The following COL28A1 variants were observed in gnomAD, a reference collection of about 807,000 sequenced individuals.
The protein encoded by COL28A1 is collagen type XXVIII alpha 1 chain.
In COL28A1, 161 loss-of-function variants were observed where a neutral mutation model predicts 150.2. The observed-to-expected ratio is 1.07, with a 90% CI of 0.94 to 1.22. The LOEUF (loss-of-function observed/expected upper bound fraction) is 1.22. COL28A1 is among the 50% of genes most tolerant of loss of function. The pLI is 0.00. For synonymous variants in COL28A1, 552 were observed against 469.7 expected, an observed-to-expected ratio of 1.18 and a Z score of -2.26; for missense variants, 1,617 against 1,388.3, an observed-to-expected ratio of 1.16 and a Z score of -2.62.
At chr7:7,445,379 G>A (rs2128324122) in intron 18 of COL28A1, among the ~76,000 whole-genome samples, 1 of 152,230 alleles carries the variant, frequency 6.6e-6, no homozygotes, top group South Asian at 2.1e-4. Flanking sequence ...GATGAGACCA[G>A]GAAGCAATCT....
chr7:7,417,746 G>C (rs1394915569), intron 27 of COL28A1, 113 bp downstream of exon 27: 1 of 853,724 alleles, frequency 1.2e-6, no homozygotes, highest in Non-Finnish European at 1.9e-6. Context: ...ATTTAACTGC[G>C]AGGCTCACAA....
chr7:7,366,814 G>A (rs1018438263), intron 33 of COL28A1, among the ~76,000 whole-genome samples: 3 of 152,200 alleles, frequency 2.0e-5, no homozygotes, highest in African/African-American at 7.2e-5. Flanking sequence ...GTATTGCCTA[G>A]GGTAGGCTCA....
chr7:7,523,314 C>T (rs920462613), intron 4 of COL28A1, among the ~76,000 whole-genome samples: 3 of 151,900 alleles, frequency 2.0e-5, no homozygotes, highest in Non-Finnish European at 4.4e-5. Flanking sequence ...TGCACCATCA[C>T]CCCCAGCTAA....
At chr7:7,501,217 G>T (rs1780504505) in intron 11 of COL28A1, among the ~76,000 whole-genome samples, 1 of 152,210 alleles carries the variant, frequency 6.6e-6, no homozygotes, top group South Asian at 2.1e-4. Context: ...GGAATATTAT[G>T]AACGTCCTAG....
chr7:7,404,114 A>C (rs1583300398), intron 27 of COL28A1, among the ~76,000 whole-genome samples: 2 of 152,028 alleles, frequency 1.3e-5, no homozygotes. Context: ...GATTTAGTAA[A>C]CTTACGCTCA....
intron 13 of COL28A1, among the ~76,000 whole-genome samples, chr7:7,483,795 G>A (rs1048304953): frequency 4.0e-5 from 6 of 151,890 alleles, no homozygotes; most frequent in Non-Finnish European, 8.8e-5. Flanking sequence ...ATGGTCTTAT[G>A]GAAATAATGG....
intron 27 of COL28A1, among the ~76,000 whole-genome samples, chr7:7,408,281 G>C (rs1783599454): frequency 6.6e-6 from 1 of 152,064 alleles, no homozygotes; most frequent in South Asian, 2.1e-4. Context: ...CTGCCAATTT[G>C]AGCCACAAAT....
upstream of COL28A1, among the ~76,000 whole-genome samples, chr7:7,536,560 T>C (rs751081718): frequency 2.5e-4 from 38 of 152,248 alleles, no homozygotes; most frequent in Non-Finnish European, 4.7e-4. Context: ...TTTTCTACCT[T>C]GTGGTTATGG....
At position 7,486,182 on chromosome 7, in the gene COL28A1, C is replaced by T. The variant is rs143517316; in HGVS notation, c.1164+3207G>A. ...ATATGTGTCTTATTAGATTTCTACC[C>T]AAGTATTTTCTTTTTTAGCAATTAA... On this transcript the variant is annotated intron_variant, in intron 13 of 34. Transcript: ENST00000399429. Among the ~76,000 whole-genome samples the T allele has an allele frequency of 7.0e-4, 106 of 152,146 alleles. 3 individuals carry two copies. Among genetic ancestry groups the T allele is most frequent in the East Asian group, 5.2e-3 (27 of 5,184 alleles).
chr7:7,363,380 T>A (rs1482621701), intron 33 of COL28A1, among the ~76,000 whole-genome samples: 1 of 152,158 alleles, frequency 6.6e-6, no homozygotes, highest in Non-Finnish European at 1.5e-5. Flanking sequence ...TCTGTTAACA[T>A]TACTCCACAG....
intron 13 of COL28A1, among the ~76,000 whole-genome samples, chr7:7,480,380 C>T (rs1329861354): frequency 2.0e-5 from 3 of 152,044 alleles, no homozygotes; most frequent in African/African-American, 7.2e-5. Context: ...CTTCCAAGAC[C>T]TTAATGAAAG....
intron 15 of COL28A1, 146 bp from the exon 16 acceptor site, chr7:7,456,258 T>C: frequency 8.3e-7 from 1 of 1,205,630 alleles, no homozygotes; most frequent in Non-Finnish European, 1.1e-6. Context: ...CTTTATTTTA[T>C]TCCTTTAAAA....
Position 7,360,379 on chromosome 7 carries a change from G to A in COL28A1, c.3205+11C>T, listed in dbSNP as rs369444098. 18 of 1,537,718 alleles carry A rather than the reference G, an allele frequency of 1.2e-5. No homozygotes were observed. The highest frequency in any genetic ancestry group is 1.4e-5 in the Non-Finnish European group (16 of 1,150,072). ...GAATCAAAATGGGACTTGGAGTTCTGGTTTACCTACCCTCTGCCCCATCCA... is the reference window on the plus strand; with the variant it reads ...GAATCAAAATGGGACTTGGAGTTCTAGTTTACCTACCCTCTGCCCCATCCA... On this transcript the variant is annotated intron_variant, in intron 34 of 34. Transcript: ENST00000399429.
intron 11 of COL28A1, among the ~76,000 whole-genome samples, chr7:7,502,614 A>G (rs568502799): frequency 2.0e-5 from 3 of 152,090 alleles, no homozygotes; most frequent in Non-Finnish European, 4.4e-5. Flanking sequence ...TTTCTATTTT[A>G]AGGTCTTATA....
intron 1 of COL28A1, among the ~76,000 whole-genome samples, chr7:7,535,352 T>C (rs1322970975): frequency 6.6e-6 from 1 of 152,174 alleles, no homozygotes; most frequent in African/African-American, 2.4e-5. Flanking sequence ...TTACAATGTT[T>C]GCATCTCAGT....
At chr7:7,508,107 CT>C (rs1369785995) in intron 9 of COL28A1, among the ~76,000 whole-genome samples, 3 of 152,082 alleles carry the variant, frequency 2.0e-5, no homozygotes, top group African/African-American at 7.2e-5. Context: ...TGGCGGGCAC[CT>C]GTAGTCCCAG....
intron 20 of COL28A1, among the ~76,000 whole-genome samples, 171 bp from the exon 21 acceptor site, chr7:7,441,032 T>C (rs985308516): frequency 2.0e-5 from 3 of 152,248 alleles, no homozygotes; most frequent in African/African-American, 7.2e-5. Flanking sequence ...GGAGATCAGA[T>C]GACTTCAGAT....
chr7:7,536,713 C>T (rs114860608), upstream of COL28A1, among the ~76,000 whole-genome samples: 294 of 152,246 alleles, frequency 1.9e-3, no homozygotes, highest in African/African-American at 6.7e-3. Context: ...TACAAATGTG[C>T]ATGTTACGGT....
At chr7:7,361,295 AC>A (rs1183913728) in intron 33 of COL28A1, among the ~76,000 whole-genome samples, 1 of 57,886 alleles carries the variant, frequency 1.7e-5, no homozygotes, top group Non-Finnish European at 3.9e-5. Context: ...AAGGCATTTT[AC>A]TTTTTTTTTA....
Sources: gnomAD v4.1 joint callset for allele counts (sites outside exome capture counted in the v4.1 genomes callset) on GRCh38, gnomAD v4.1.1 for gene constraint, MANE v1.5 for transcripts, NCBI Gene and HGNC (gene_info 2026-07-23, HGNC 2026-07-21) for gene names.